The following COL14A1 variants were observed in gnomAD, a reference collection of about 807,000 sequenced individuals.
COL14A1 encodes the protein collagen type XIV alpha 1 chain, also known as collagen alpha-1(XIV) chain.
In COL14A1, 136 loss-of-function variants were observed where a neutral mutation model predicts 230.3. The observed-to-expected ratio is 0.59, with a 90% CI of 0.51 to 0.68. COL14A1 has a LOEUF of 0.68. Ranked by LOEUF, COL14A1 falls within the 30% of genes least tolerant of loss-of-function variation. The pLI is 0.00. For synonymous variants in COL14A1, 792 were observed against 784.1 expected (o/e 1.01, Z -0.17); for missense variants, 1,976 against 2,215.8 (o/e 0.89, Z 2.17).
chr8:120,232,198 C>T (rs1203730450), intron 19 of COL14A1: 1 of 152,130 alleles, frequency 6.6e-6, no homozygotes, highest in South Asian at 2.1e-4. Context: ...GATTTTTATA[C>T]ATTGAGTTTT....
chr8:120,143,522 T>G (rs564788768), intron 1 of COL14A1, among the ~76,000 whole-genome samples: 2 of 152,132 alleles, frequency 1.3e-5, no homozygotes, highest in Admixed American at 1.3e-4. Flanking sequence ...TCCCAGCTAC[T>G]TGGGAGGCTG....
At chr8:120,309,833 C>A (rs753879652) in intron 36 of COL14A1, among the ~76,000 whole-genome samples, 176 bp from the exon 37 acceptor site, 1 of 152,066 alleles carries the variant, frequency 6.6e-6, no homozygotes, top group Non-Finnish European at 1.5e-5. Context: ...TCGTCTGCAG[C>A]GCTGGGGCTG....
chr8:120,188,969 GTCTC>G (rs940856150), intron 5 of COL14A1, among the ~76,000 whole-genome samples: 1 of 152,104 alleles, frequency 6.6e-6, no homozygotes, highest in Non-Finnish European at 1.5e-5. Context: ...TCTGATTGAT[GTCTC>G]TCTAAGAATG....
chr8:120,341,462 G>C (rs1822295784), intron 43 of COL14A1, 102 bp downstream of exon 43: 1 of 1,216,222 alleles, frequency 8.2e-7, no homozygotes, highest in Non-Finnish European at 1.2e-6. Flanking sequence ...AATATTCATT[G>C]CAATTGTACC....
intron 37 of COL14A1, among the ~76,000 whole-genome samples, chr8:120,311,936 A>G (rs957378177): frequency 2.6e-5 from 4 of 151,850 alleles, no homozygotes; most frequent in Non-Finnish European, 4.4e-5. Context: ...TGTCTCTACT[A>G]AAAATACAAA....
At chr8:120,166,008 T>A (rs1487082969) in intron 4 of COL14A1, among the ~76,000 whole-genome samples, 3 of 152,100 alleles carry the variant, frequency 2.0e-5, no homozygotes, top group Non-Finnish European at 4.4e-5. Flanking sequence ...TGAGAGGTGG[T>A]CATTGTGGCA....
chr8:120,228,802 T>A, intron 18 of COL14A1, 33 bp downstream of exon 18: 2 of 1,588,212 alleles, frequency 1.3e-6, no homozygotes, highest in Non-Finnish European at 1.7e-6. Context: ...TTAACCACTT[T>A]AAAAATTTTC....
At position 120,278,576 on chromosome 8, in the gene COL14A1, A is replaced by T; in HGVS notation, c.3479A>T (p.Asp1160Val). Reference protein sequence around the residue: ...VNKISREMQLDGYSIFAIGVA... With the variant: ...VNKISREMQLVGYSIFAIGVA... ...AAAATCTCCAGGGAGATGCAATTAG[A>T]TGGTAAGATATATAAACAATAGTGG... Residue 1160 changes from aspartate to valine, a missense_variant and splice_region_variant, in exon 28 of 48, where the codon GAT becomes GTT. Coordinates refer to ENST00000297848, the MANE Select transcript of COL14A1 (RefSeq NM_021110.4). 2 of 1,611,738 alleles carry T rather than the reference A, an allele frequency of 1.2e-6. No homozygotes were observed. The highest frequency in any genetic ancestry group is 1.1e-5 in the South Asian group (1 of 90,720).
At chr8:120,359,506 C>T (rs943093654) in intron 45 of COL14A1, among the ~76,000 whole-genome samples, 2 of 152,178 alleles carry the variant, frequency 1.3e-5, no homozygotes, top group African/African-American at 2.4e-5. Context: ...ATATTATCAA[C>T]TGGTTGACTA....
intron 18 of COL14A1, among the ~76,000 whole-genome samples, chr8:120,229,548 C>T (rs201165805): frequency 0.01 from 1,568 of 152,070 alleles, 32 homozygotes; most frequent in African/African-American, 0.036. Flanking sequence ...TCTTTGCTAT[C>T]GTGAATAGTG....
rs760508914 is a variant in COL14A1, at chr8:120,197,922, C to T, written c.704C>T (p.Thr235Ile). ...VRNLPYKGGN[T>I]LTGLALNYIF... is the part of the protein sequence containing the mutation. Reference sequence around the variant, plus strand: ...AACCTCCCATATAAAGGAGGAAATACACTAACAGGTATGTTTTGTTCAATC... The same window carrying T: ...AACCTCCCATATAAAGGAGGAAATATACTAACAGGTATGTTTTGTTCAATC... Residue 235 changes from threonine (T) to isoleucine (I), a missense_variant, in exon 7 of 48, where the codon ACA becomes ATA. Thr to Ile is a moderately conservative substitution (Grantham distance 89). Around this residue, in one of 3 missense-constraint regions of COL14A1, gnomAD observed 1,791 missense variants for 2,019.5 expected, o/e 0.89. Coordinates refer to ENST00000297848, the MANE Select transcript of COL14A1 (RefSeq NM_021110.4). 9 of 1,613,294 alleles carry T rather than the reference C, an allele frequency of 5.6e-6. No homozygotes were observed. Among genetic ancestry groups the T allele is most frequent in the East Asian group, 2.2e-5 (1 of 44,852 alleles).
intron 5 of COL14A1, among the ~76,000 whole-genome samples, chr8:120,171,060 T>C (rs988522048): frequency 6.6e-6 from 1 of 152,082 alleles, no homozygotes; most frequent in African/African-American, 2.4e-5. Flanking sequence ...CTTATCTTTT[T>C]TCCCCCTTTA....
At chr8:120,252,760 G>A (rs1436714671) in intron 22 of COL14A1, among the ~76,000 whole-genome samples, 2 of 152,122 alleles carry the variant, frequency 1.3e-5, no homozygotes, top group African/African-American at 4.8e-5. Flanking sequence ...TTATGCACTT[G>A]CCCTATATCT....
chr8:120,219,984 ATGTG>A (rs142020105), intron 14 of COL14A1, among the ~76,000 whole-genome samples: 1 of 150,480 alleles, frequency 6.6e-6, no homozygotes, highest in Admixed American at 6.6e-5. Context: ...TAGGGTGTGT[ATGTG>A]TGTGTGTGTG....
chr8:120,233,455 G>C (rs1818343376), intron 19 of COL14A1, among the ~76,000 whole-genome samples: 1 of 108,342 alleles, frequency 9.2e-6, no homozygotes, highest in Admixed American at 9.8e-5. Context: ...TGCGGTGTTT[G>C]GTTGCCTGTT....
rs1818692082 is a variant in COL14A1, at chr8:120,244,012, A to G, written c.2479+4A>G. 6.2e-7 allele frequency: 1 copy of G among 1,610,070 alleles called. No homozygotes were observed. Among genetic ancestry groups the G allele is most frequent in the Non-Finnish European group, 8.5e-7 (1 of 1,178,254 alleles). Reference sequence around the variant, plus strand: ...GTCTCCGCTCCTGGAAAAACCTGTAAGTGAAGCTTTCTCCCTTTGAATACA... The same window carrying G: ...GTCTCCGCTCCTGGAAAAACCTGTAGGTGAAGCTTTCTCCCTTTGAATACA... On this transcript the variant is annotated splice_donor_region_variant and intron_variant, in intron 20 of 47. Coordinates refer to ENST00000297848, the MANE Select transcript of COL14A1 (RefSeq NM_021110.4).
intron 19 of COL14A1, among the ~76,000 whole-genome samples, chr8:120,238,472 C>A (rs780230810): frequency 9.2e-5 from 14 of 152,142 alleles, no homozygotes; most frequent in Non-Finnish European, 1.6e-4. Flanking sequence ...CAAGCTCGAG[C>A]ATCCCAGGTT....
At chr8:120,236,799 G>A (rs531355963) in intron 19 of COL14A1, among the ~76,000 whole-genome samples, 3 of 152,268 alleles carry the variant, frequency 2.0e-5, no homozygotes, top group African/African-American at 7.2e-5. Context: ...AGGAGCTCTT[G>A]TAAGGCAGGC....
intron 2 of COL14A1, among the ~76,000 whole-genome samples, chr8:120,155,453 C>T (rs1203442893): frequency 6.6e-6 from 1 of 152,116 alleles, no homozygotes; most frequent in Non-Finnish European, 1.5e-5. Context: ...GCTATAAACT[C>T]AGATGACATT....
Sources: gnomAD v4.1 joint callset for allele counts (sites outside exome capture counted in the v4.1 genomes callset) on GRCh38, gnomAD v4.1.1 for gene constraint, gnomAD v4.1.1 regional missense constraint, MANE v1.5 for transcripts, NCBI Gene and HGNC (gene_info 2026-07-23, HGNC 2026-07-21) for gene names.